ZBTB16: variants seen among roughly 807,000 people sequenced by gnomAD.
ZBTB16 encodes the protein zinc finger and BTB domain-containing protein 16.
ZBTB16 carries 8 observed loss-of-function variants against 56.8 expected under a neutral mutation model. The ratio of observed to expected loss-of-function variants is 0.14; its 90% CI spans 0.08 to 0.25. ZBTB16 has a LOEUF of 0.25. ZBTB16 is among the 10% of genes least tolerant of loss of function. The pLI is 1.00. For synonymous variants in ZBTB16, 363 were observed against 368.5 expected, an observed-to-expected ratio of 0.98 and a Z score of 0.17; for missense variants, 625 against 903.0, an observed-to-expected ratio of 0.69 and a Z score of 3.95.
intron 4 of ZBTB16, among the ~76,000 whole-genome samples, chr11:114,204,396 T>C (rs1943805752): frequency 6.6e-6 from 1 of 152,202 alleles, no homozygotes; most frequent in African/African-American, 2.4e-5. Flanking sequence ...CACCTCACCC[T>C]CTTAAAGTGC....
At chr11:114,067,863 G>A (rs967345151) in intron 2 of ZBTB16, among the ~76,000 whole-genome samples, 1 of 152,048 alleles carries the variant, frequency 6.6e-6, no homozygotes, top group African/African-American at 2.4e-5. Context: ...CAGATCAACA[G>A]CCCCTCGGGT....
At chr11:114,199,911 G>A (rs1347294792) in intron 4 of ZBTB16, among the ~76,000 whole-genome samples, 1 of 152,146 alleles carries the variant, frequency 6.6e-6, no homozygotes, top group South Asian at 2.1e-4. Context: ...GGCGGATCAT[G>A]AGGTCAGGAG....
Position 114,237,923 on chromosome 11 carries a change from C to T in ZBTB16, c.1454-4244C>T, listed in dbSNP as rs557617521. On this transcript the variant is annotated intron_variant, in intron 4 of 6. Transcript: ENST00000335953. Reference sequence around the variant, plus strand: ...GAGTCTCAGAGGCTCCCCTTTCTTCCCCTGGGAGCCTTGGTTGGTGGATAC... The same window carrying T: ...GAGTCTCAGAGGCTCCCCTTTCTTCTCCTGGGAGCCTTGGTTGGTGGATAC... Among the ~76,000 whole-genome samples the T allele has an allele frequency of 2.0e-5, 3 of 152,282 alleles. No individual in the cohort carries two copies. In the South Asian group the frequency reaches 6.2e-4, roughly 32 times the overall value.
chr11:114,159,175 G>A (rs1214151932), intron 3 of ZBTB16, among the ~76,000 whole-genome samples: 1 of 152,218 alleles, frequency 6.6e-6, no homozygotes, highest in Non-Finnish European at 1.5e-5. Context: ...ACTGCCCTGC[G>A]GAGCTGGCGG....
rs185677187 is a variant in ZBTB16 at position 114,119,822 on chromosome 11, G to A, written c.1269-36515G>A. ...AAATGGAAGCTCAGAGTGGTTAAGC[G>A]CTTTACCTGGTGTCACACAGCTAGC... is the stretch of plus-strand genomic sequence containing the variant. On this transcript the variant is annotated intron_variant, in intron 2 of 6. Transcript: ENST00000335953. Among the ~76,000 whole-genome samples, 417 of 152,294 alleles carry A rather than the reference G, an allele frequency of 2.7e-3. 3 individuals carry two copies. The highest frequency in any genetic ancestry group is 0.014 in the Middle Eastern group (4 of 294).
intron 3 of ZBTB16, among the ~76,000 whole-genome samples, chr11:114,162,190 G>A (rs1286824371): frequency 2.6e-5 from 4 of 152,272 alleles, no homozygotes; most frequent in Non-Finnish European, 1.5e-5. Flanking sequence ...GGCTGGAGGA[G>A]TCCTTCAGAT....
At chr11:114,149,454 C>T (rs1942231049) in intron 2 of ZBTB16, among the ~76,000 whole-genome samples, 2 of 152,316 alleles carry the variant, frequency 1.3e-5, no homozygotes, top group South Asian at 4.1e-4. Context: ...GAGGCACCTG[C>T]TGTGTGCTCC....
At chr11:114,237,773 C>A (rs1416111883) in intron 4 of ZBTB16, among the ~76,000 whole-genome samples, 1 of 152,314 alleles carries the variant, frequency 6.6e-6, no homozygotes, top group Admixed American at 6.5e-5. Context: ...ATTTTTAACT[C>A]GCATGCACCA....
chr11:114,235,735 T>TTTC lies in ZBTB16; in HGVS notation c.1454-6430_1454-6429insCTT, dbSNP rs1225467415. 2.9e-4 allele frequency among the ~76,000 whole-genome samples: 41 copies of TTTC among 140,386 alleles called. 1 individual carries two copies. The highest frequency in any genetic ancestry group is 6.7e-4 in the South Asian group (3 of 4,508). 92.1% of individuals were successfully genotyped at this position (140,386 alleles called of 152,430 possible). On this transcript the variant is annotated intron_variant, in intron 4 of 6. Transcript: ENST00000335953. ...TTCTTTCTTTTTCTTTCTTTCTTTCTTTTCTTTTCTTTCCTTCCTTCCTTC... is the reference window on the plus strand; with the variant it reads ...TTCTTTCTTTTTCTTTCTTTCTTTCTTTCTTTCTTTTCTTTCCTTCCTTCCTTC...
chr11:114,148,780 AC>A, intron 2 of ZBTB16, among the ~76,000 whole-genome samples: 2 of 151,892 alleles, frequency 1.3e-5, no homozygotes, highest in East Asian at 3.9e-4. Flanking sequence ...GGCGTGAGCC[AC>A]CGCGCCCGCC....
At chr11:114,209,434 G>C (rs941925223) in intron 4 of ZBTB16, 41 of 985,356 alleles carry the variant, frequency 4.2e-5, no homozygotes, top group Middle Eastern at 5.2e-4. Flanking sequence ...AGGAGACCCC[G>C]GTGCCTGGAT....
chr11:114,070,258 G>A (rs575226820), intron 2 of ZBTB16, among the ~76,000 whole-genome samples: 9 of 151,206 alleles, frequency 6.0e-5, no homozygotes, highest in Admixed American at 2.0e-4. Flanking sequence ...ACAGGCGCCC[G>A]CCACCGCGCC....
intron 2 of ZBTB16, among the ~76,000 whole-genome samples, chr11:114,148,863 GGTGTGTGTGTGT>G (rs35071911): frequency 3.5e-5 from 5 of 144,046 alleles, no homozygotes; most frequent in East Asian, 4.2e-4. Context: ...GTTTTTTACT[GGTGTGTGTGTGT>G]GTGTGTGTGT....
At chr11:114,105,725 C>G (rs1940767242) in intron 2 of ZBTB16, among the ~76,000 whole-genome samples, 1 of 152,224 alleles carries the variant, frequency 6.6e-6, no homozygotes, top group Non-Finnish European at 1.5e-5. Context: ...CTGTTCTCTT[C>G]TCCTCCTCTT....
At chr11:114,217,503 T>A (rs1388111278) in intron 4 of ZBTB16, among the ~76,000 whole-genome samples, 1 of 152,110 alleles carries the variant, frequency 6.6e-6, no homozygotes, top group Non-Finnish European at 1.5e-5. Flanking sequence ...AAGAGGATGT[T>A]AGTGCTGACA....
At chr11:114,186,018 G>A (rs1943352869) in intron 3 of ZBTB16, among the ~76,000 whole-genome samples, 1 of 152,214 alleles carries the variant, frequency 6.6e-6, no homozygotes, top group East Asian at 1.9e-4. Flanking sequence ...CCTCCAGGGA[G>A]CTTACGGTGT....
intron 2 of ZBTB16, among the ~76,000 whole-genome samples, chr11:114,066,794 C>T (rs1440149335): frequency 1.9e-5 from 2 of 107,042 alleles, no homozygotes; most frequent in East Asian, 3.0e-4. Context: ...TTTTTTGAGA[C>T]GGAGTCTCGC....
chr11:114,119,862 G>A (rs1385455568), intron 2 of ZBTB16, among the ~76,000 whole-genome samples: 1 of 152,218 alleles, frequency 6.6e-6, no homozygotes, highest in Non-Finnish European at 1.5e-5. Flanking sequence ...GGTGGAGCGA[G>A]GATCTTGACT....
At chr11:114,131,036 G>T (rs888110327) in intron 2 of ZBTB16, among the ~76,000 whole-genome samples, 2 of 152,304 alleles carry the variant, frequency 1.3e-5, no homozygotes, top group African/African-American at 4.8e-5. Flanking sequence ...GCACACGAGG[G>T]CCGGTATTTT....
Sources: allele counts gnomAD v4.1 joint callset (sites outside exome capture counted in the v4.1 genomes callset), GRCh38; gene constraint gnomAD v4.1.1; transcripts MANE v1.5; gene names NCBI Gene and HGNC (gene_info 2026-07-23, HGNC 2026-07-21).